FANCC: variants seen among roughly 807,000 people sequenced by gnomAD.
FANCC encodes Fanconi anemia group C protein.
In FANCC, 55 loss-of-function variants were observed where a neutral mutation model predicts 71.3. That is an observed-to-expected ratio of 0.77 (90% CI 0.62 to 0.97). The LOEUF (loss-of-function observed/expected upper bound fraction) is 0.97. FANCC is among the 50% of genes least tolerant of loss of function. The pLI, the probability that FANCC is intolerant of heterozygous loss-of-function variation, is 0.00. For synonymous variants in FANCC, 275 were observed against 244.9 expected, an observed-to-expected ratio of 1.12 and a Z score of -1.15; for missense variants, 678 against 670.9, an observed-to-expected ratio of 1.01 and a Z score of -0.12.
intron 8 of FANCC, among the ~76,000 whole-genome samples, chr9:95,134,464 G>A (rs549485673): frequency 4.6e-5 from 7 of 152,178 alleles, no homozygotes; most frequent in Middle Eastern, 3.4e-3. Context: ...TGTGGCTCTT[G>A]GAACTCACTT....
At chr9:95,265,671 G>C (rs749131473) in intron 1 of FANCC, among the ~76,000 whole-genome samples, 6 of 152,102 alleles carry the variant, frequency 3.9e-5, no homozygotes, top group Non-Finnish European at 7.4e-5. Context: ...TAAAATATTA[G>C]GAAGCTTCTT....
intron 1 of FANCC, among the ~76,000 whole-genome samples, chr9:95,305,102 T>C (rs1834998115): frequency 6.6e-6 from 1 of 151,126 alleles, no homozygotes; most frequent in African/African-American, 2.4e-5. Flanking sequence ...AATTTAGAGG[T>C]TTCCCCAAAA....
At chr9:95,120,577 C>A (rs2072796588) in intron 10 of FANCC, among the ~76,000 whole-genome samples, 1 of 151,940 alleles carries the variant, frequency 6.6e-6, no homozygotes, top group African/African-American at 2.4e-5. Flanking sequence ...CCATGCCCAG[C>A]TAATTTTTTA....
At chr9:95,226,267 CA>C (rs1264419505) in intron 4 of FANCC, among the ~76,000 whole-genome samples, 1 of 152,160 alleles carries the variant, frequency 6.6e-6, no homozygotes, top group Non-Finnish European at 1.5e-5. Context: ...AATACACTTA[CA>C]AAAGTATAAA....
Position 95,111,660 on chromosome 9 carries a change from G to A in FANCC, c.1155-23C>T, listed in dbSNP as rs113298203. 9.0e-5 allele frequency: 145 copies of A among 1,613,872 alleles called. No individual in the cohort carries two copies. The African/African-American group carries it at 1.6e-3, about 18-fold the overall frequency. ...GACCTGGAACAGAGGCAGAACACAT[G>A]GCAGTTGACAACCTAAATTCTTCTT... On this transcript the variant is annotated intron_variant, in intron 12 of 14. Coordinates refer to ENST00000289081, the MANE Select transcript of FANCC (RefSeq NM_000136.3).
At chr9:95,187,440 C>G (rs1826797939) in intron 4 of FANCC, among the ~76,000 whole-genome samples, 1 of 152,236 alleles carries the variant, frequency 6.6e-6, no homozygotes, top group Non-Finnish European at 1.5e-5. Flanking sequence ...AGGTCTGCCA[C>G]AAATGTATGC....
intron 1 of FANCC, among the ~76,000 whole-genome samples, chr9:95,279,007 A>G (rs1833214263): frequency 6.6e-6 from 1 of 151,836 alleles, no homozygotes; most frequent in South Asian, 2.1e-4. Context: ...GCAACAAAAA[A>G]TCTCTACAAA....
At chr9:95,272,000 G>A (rs1235067887) in intron 1 of FANCC, among the ~76,000 whole-genome samples, 3 of 138,320 alleles carry the variant, frequency 2.2e-5, no homozygotes, top group South Asian at 2.4e-4. Flanking sequence ...GCAGTGGCGC[G>A]ATCCTGGCTC....
At chr9:95,279,024 A>C (rs1156631387) in intron 1 of FANCC, among the ~76,000 whole-genome samples, 1 of 151,758 alleles carries the variant, frequency 6.6e-6, no homozygotes, top group Non-Finnish European at 1.5e-5. Flanking sequence ...CAAAAAAATA[A>C]AAAAAATTGG....
In FANCC at chr9:95,101,378, G is replaced by C. The variant is rs965508356; in HGVS notation, c.*329C>G. ...TTTTTAAATAATAGATGTGCAGCTT[G>C]ACTTGGGTAAAAACTAGAAACCTGT... On this transcript the variant is annotated 3_prime_UTR_variant, in exon 15 of 15. Transcript: ENST00000289081. 17 of 422,198 alleles carry C rather than the reference G, an allele frequency of 4.0e-5. No homozygotes were observed. In the Admixed American group the frequency reaches 5.9e-4, roughly 15 times the overall value. The allele number at this position is 422,198 out of a possible 1,614,324, so 26.2% of individuals were successfully genotyped here.
chr9:95,188,946 G>A (rs1228740132), intron 4 of FANCC, among the ~76,000 whole-genome samples: 1 of 151,948 alleles, frequency 6.6e-6, no homozygotes, highest in African/African-American at 2.4e-5. Context: ...GATATTTTAA[G>A]TTCAAAAAAA....
chr9:95,231,810 T>C (rs940869278), intron 4 of FANCC, among the ~76,000 whole-genome samples: 1 of 152,230 alleles, frequency 6.6e-6, no homozygotes, highest in Non-Finnish European at 1.5e-5. Context: ...GGAATAAAGG[T>C]ATTACTTGAA....
intron 1 of FANCC, among the ~76,000 whole-genome samples, chr9:95,291,553 A>G (rs1271413719): frequency 6.6e-6 from 1 of 152,198 alleles, no homozygotes; most frequent in African/African-American, 2.4e-5. Flanking sequence ...CTCTACAATG[A>G]AAACTATAAA....
At chr9:95,302,530 T>A (rs1834810015) in intron 1 of FANCC, among the ~76,000 whole-genome samples, 1 of 152,218 alleles carries the variant, frequency 6.6e-6, no homozygotes, top group Non-Finnish European at 1.5e-5. Flanking sequence ...AATTATACTT[T>A]TTGTCATCTC....
At chr9:95,175,432 G>T (rs113984773) in intron 4 of FANCC, among the ~76,000 whole-genome samples, 1 of 152,198 alleles carries the variant, frequency 6.6e-6, no homozygotes, top group Non-Finnish European at 1.5e-5. Flanking sequence ...AAGGTAGAGA[G>T]AAGGATGGGG....
At chr9:95,265,413 TA>T (rs963998155) in intron 1 of FANCC, among the ~76,000 whole-genome samples, 1 of 152,128 alleles carries the variant, frequency 6.6e-6, no homozygotes, top group Non-Finnish European at 1.5e-5. Flanking sequence ...GGCTTCAAAA[TA>T]AAAGCATCCC....
At chr9:95,213,131 TAAAA>T (rs1437180673) in intron 4 of FANCC, among the ~76,000 whole-genome samples, 1 of 152,202 alleles carries the variant, frequency 6.6e-6, no homozygotes, top group Non-Finnish European at 1.5e-5. Context: ...CTGGGTTAAA[TAAAA>T]TATTTTTATA....
At chr9:95,151,302 C>A (rs754989041) in intron 6 of FANCC, among the ~76,000 whole-genome samples, 1 of 152,156 alleles carries the variant, frequency 6.6e-6, no homozygotes, top group South Asian at 2.1e-4. Context: ...TCACACACAG[C>A]ACGTGCTCAA....
chr9:95,210,042 C>T (rs537526919), intron 4 of FANCC, among the ~76,000 whole-genome samples: 47 of 152,152 alleles, frequency 3.1e-4, no homozygotes, highest in Middle Eastern at 3.2e-3. Context: ...CATGCACCAA[C>T]ATGAACAAAT....
Sources: allele counts gnomAD v4.1 joint callset (sites outside exome capture counted in the v4.1 genomes callset), GRCh38; gene constraint gnomAD v4.1.1; transcripts MANE v1.5; gene names NCBI Gene and HGNC (gene_info 2026-07-23, HGNC 2026-07-21).